The following SLC1A4 variants were observed in gnomAD, a reference collection of about 807,000 sequenced individuals.
The protein encoded by SLC1A4 is neutral amino acid transporter A.
A neutral mutation model predicts 37.7 loss-of-function variants in SLC1A4; 19 were observed. The ratio of observed to expected loss-of-function variants is 0.50; its 90% confidence interval spans 0.35 to 0.74. SLC1A4 has a LOEUF of 0.74. SLC1A4 is among the 30% of genes least tolerant of loss of function. SLC1A4 has a pLI of 0.01. For missense variants in SLC1A4, 570 were observed against 712.9 expected, an observed-to-expected ratio of 0.80 and a Z score of 2.28; for synonymous variants, 299 against 309.8, an observed-to-expected ratio of 0.97 and a Z score of 0.37.
At chr2:65,007,295 G>A (rs1205349637) in intron 3 of SLC1A4, among the ~76,000 whole-genome samples, 2 of 151,980 alleles carry the variant, frequency 1.3e-5, no homozygotes, top group East Asian at 1.9e-4. Flanking sequence ...TGTGTCTGTG[G>A]TGATGGGTAC....
At chr2:65,020,320 G>A (rs1320233708) in intron 7 of SLC1A4, among the ~76,000 whole-genome samples, 5 of 152,198 alleles carry the variant, frequency 3.3e-5, no homozygotes, top group Non-Finnish European at 7.3e-5. Flanking sequence ...AGGCTAGAGT[G>A]CAATGGCATC....
At chr2:65,008,300 G>A (rs1024087032) in intron 3 of SLC1A4, among the ~76,000 whole-genome samples, 34 of 152,030 alleles carry the variant, frequency 2.2e-4, no homozygotes, top group Admixed American at 1.6e-3. Flanking sequence ...TATACCCACC[G>A]CACCCAGCTT....
intron 1 of SLC1A4, chr2:65,000,136 C>G (rs188205101): frequency 6.6e-6 from 1 of 152,268 alleles, no homozygotes; most frequent in Admixed American, 6.5e-5. Context: ...GATCCAGAGT[C>G]TTTTGCTCTT....
intron 1 of SLC1A4, among the ~76,000 whole-genome samples, chr2:64,998,272 T>G (rs1673340098): frequency 7.1e-6 from 1 of 140,448 alleles, no homozygotes; most frequent in Non-Finnish European, 1.6e-5. Context: ...AATAAATAAA[T>G]TAGCCGGGCG....
chr2:64,998,520 G>A (rs1445128517), intron 1 of SLC1A4, among the ~76,000 whole-genome samples: 1 of 152,046 alleles, frequency 6.6e-6, no homozygotes, highest in Non-Finnish European at 1.5e-5. Context: ...ATTTTTCTTA[G>A]GAACTTGATT....
At chr2:64,994,994 G>A (rs1252784177) in intron 1 of SLC1A4, 1 of 152,192 alleles carries the variant, frequency 6.6e-6, no homozygotes, top group African/African-American at 2.4e-5. Flanking sequence ...GCAAGATGAA[G>A]ACAGCACATC....
At position 64,989,708 on chromosome 2, in the gene SLC1A4, C is replaced by A. The variant is rs201175768; in HGVS notation, c.65C>A (p.Pro22His). The change falls in exon 1 of 8, where the codon CCC becomes CAC. Residue 22 changes from proline (P) to histidine (H), a missense_variant. Pro to His is a moderately conservative substitution (Grantham distance 77). Coordinates refer to ENST00000234256, the MANE Select transcript of SLC1A4 (RefSeq NM_003038.5). ...DSAQAGPAAG[P>H]GAPGTAAGRA... Reference sequence around the variant, plus strand: ...GCTCAGGCGGGGCCTGCGGCCGGGCCCGGAGCTCCGGGGACCGCGGCGGGA... The same window carrying A: ...GCTCAGGCGGGGCCTGCGGCCGGGCACGGAGCTCCGGGGACCGCGGCGGGA... 6.6e-7 allele frequency: 1 copy of A among 1,517,488 alleles called. No homozygotes were observed. The allele number at this position is 1,517,488 out of a possible 1,614,324, so 94.0% of individuals were successfully genotyped here.
chr2:65,001,160 C>T (rs1389544293), intron 1 of SLC1A4: 2 of 322,504 alleles, frequency 6.2e-6, no homozygotes, highest in Non-Finnish European at 1.1e-5. Context: ...GGTGCAGTGT[C>T]AGCTAGGGGT....
At chr2:65,016,952 G>C (rs981790167) in intron 5 of SLC1A4, among the ~76,000 whole-genome samples, 8 of 152,194 alleles carry the variant, frequency 5.3e-5, no homozygotes, top group African/African-American at 1.9e-4. Flanking sequence ...AGCCTCACAT[G>C]ATTTCTTAAA....
intron 1 of SLC1A4, among the ~76,000 whole-genome samples, chr2:64,990,819 G>T (rs1010467449): frequency 6.6e-6 from 1 of 152,214 alleles, no homozygotes; most frequent in East Asian, 1.9e-4. Context: ...GTGTTTCAAA[G>T]GCCTTTCTTT....
chr2:64,992,695 C>T lies in SLC1A4; in HGVS notation c.527+2525C>T, dbSNP rs562618591. On this transcript the variant is annotated intron_variant, in intron 1 of 7. Transcript: ENST00000234256. The stretch of plus-strand genomic sequence containing the variant: ...CAGGGTTCTCTCTCTTTCTCCTAAT[C>T]CCTCTTCCTCCAAGTCAACATGCCT... Among the ~76,000 whole-genome samples the T allele has an allele frequency of 2.9e-4, 44 of 152,282 alleles. 1 individual carries two copies. The South Asian group carries it at 9.1e-3, about 32-fold the overall frequency.
intron 1 of SLC1A4, chr2:65,000,161 C>G (rs1039239703): frequency 1.1e-4 from 17 of 152,312 alleles, no homozygotes; most frequent in South Asian, 2.1e-4. Flanking sequence ...ACTTACTCTT[C>G]TTGCAGGAAG....
Position 65,018,068 on chromosome 2 carries a change from T to C in SLC1A4, c.1035-3T>C, listed in dbSNP as rs1674232234. The C allele has an allele frequency of 6.2e-7, 1 of 1,611,430 alleles. No homozygotes were observed. Among genetic ancestry groups the C allele is most frequent in the Non-Finnish European group, 8.5e-7 (1 of 1,178,050 alleles). On this transcript the variant is annotated splice_region_variant and splice_polypyrimidine_tract_variant and intron_variant, in intron 5 of 7. Coordinates refer to ENST00000234256, the MANE Select transcript of SLC1A4 (RefSeq NM_003038.5). This position sits in a 1 kb window ranked among gnomAD's most constrained non-coding sequence, Gnocchi z 4.3. ...TCTGGCGGTTTGTTTTTCCCATTTC[T>C]AGCTCAGCGACCCTTCCCTCTATGA...
At position 65,002,570 on chromosome 2, in the gene SLC1A4, C is replaced by CTTTTTTTTTTTTTTTTTTTTTTTTTTTT. The variant is rs70937394; in HGVS notation, c.570+1105_570+1106insTTTTTTTTTTTTTTTTTTTTTTTTTTTT. On this transcript the variant is annotated intron_variant, in intron 2 of 7. Coordinates refer to ENST00000234256, the MANE Select transcript of SLC1A4 (RefSeq NM_003038.5). The stretch of plus-strand genomic sequence containing the variant: ...TGCAAGTAACAGTCCTGTGACCATT[C>CTTTTTTTTTTTTTTTTTTTTTTTTTTTT]TTTTTTTTTTTTTTTTTTTTTTTTT... Among the ~76,000 whole-genome samples, 13 of 59,048 alleles carry CTTTTTTTTTTTTTTTTTTTTTTTTTTTT rather than the reference C, an allele frequency of 2.2e-4. 1 individual carries two copies. In the East Asian group the frequency reaches 4.5e-3, roughly 21 times the overall value. The allele number at this position is 59,048 out of a possible 152,430, so 38.7% of individuals were successfully genotyped here.
Position 65,018,084 on chromosome 2 carries a change from C to G in SLC1A4, c.1048C>G (p.Pro350Ala). Residue 350 changes from proline to alanine, a missense_variant, in exon 6 of 8, where the codon CCC becomes GCC. Coordinates refer to ENST00000234256, the MANE Select transcript of SLC1A4 (RefSeq NM_003038.5). This position sits in a 1 kb window ranked among gnomAD's most constrained non-coding sequence, Gnocchi z 4.3. ...TCCCATTTCTAGCTCAGCGACCCTT[C>G]CCTCTATGATGAAGTGCATTGAAGA... is the stretch of plus-strand genomic sequence containing the variant. ...FATCSSSATL[P>A]SMMKCIEENN... is the part of the protein sequence containing the mutation. 2 of 1,613,278 alleles carry G rather than the reference C, an allele frequency of 1.2e-6. No individual in the cohort carries two copies. Among genetic ancestry groups the G allele is most frequent in the Non-Finnish European group, 8.5e-7 (1 of 1,179,356 alleles).
chr2:64,990,069 A>G lies in SLC1A4; in HGVS notation c.426A>G (p.Gly142=). 6.2e-7 allele frequency: 1 copy of G among 1,608,644 alleles called. No homozygotes were observed. The highest frequency in any genetic ancestry group is 1.1e-5 in the South Asian group (1 of 89,708). Residue 142 remains glycine, a synonymous_variant, in exon 1 of 8, where the codon GGA becomes GGG. Transcript: ENST00000234256. ...CCTTGGCGTTCATCATCAAGCCAGGATCCGGTGCGCAGACCCTTCAGTCCA... is the reference window on the plus strand; with the variant it reads ...CCTTGGCGTTCATCATCAAGCCAGGGTCCGGTGCGCAGACCCTTCAGTCCA... ...AVALAFIIKP[G]SGAQTLQSSD...
chr2:64,999,622 T>A (rs1285233793), intron 1 of SLC1A4: 3 of 152,020 alleles, frequency 2.0e-5, no homozygotes, highest in Admixed American at 1.3e-4. Context: ...CAGGGCTAGG[T>A]TCTTACCCAC....
At chr2:65,012,456 A>G (rs1290190566) in intron 4 of SLC1A4, among the ~76,000 whole-genome samples, 1 of 152,172 alleles carries the variant, frequency 6.6e-6, no homozygotes, top group African/African-American at 2.4e-5. Flanking sequence ...CAACCCTGAA[A>G]GATCCCAGAA....
intron 3 of SLC1A4, among the ~76,000 whole-genome samples, chr2:65,007,737 C>A (rs1418548845): frequency 1.3e-5 from 2 of 152,138 alleles, no homozygotes; most frequent in South Asian, 2.1e-4. Flanking sequence ...TTTGGGGGTA[C>A]ATGTGATAAT....
Sources: allele counts gnomAD v4.1 joint callset (sites outside exome capture counted in the v4.1 genomes callset), GRCh38; gene constraint gnomAD v4.1.1; non-coding constraint Gnocchi (gnomAD v3.1); transcripts MANE v1.5; gene names NCBI Gene and HGNC (gene_info 2026-07-23, HGNC 2026-07-21).